The following UNC79 variants were observed in gnomAD, a reference collection of about 807,000 sequenced individuals.
UNC79 encodes unc-79 subunit of NALCN channel complex, also known as protein unc-79 homolog.
UNC79 carries 37 observed loss-of-function variants against 283.1 expected under a neutral mutation model. The ratio of observed to expected loss-of-function variants is 0.13; its 90% CI spans 0.10 to 0.17. The LOEUF is 0.17. UNC79 is among the 10% of genes least tolerant of loss of function. The pLI, the probability that UNC79 is intolerant of heterozygous loss-of-function variation, is 1.00. For synonymous variants in UNC79, 1,107 were observed against 1,200.2 expected (o/e 0.92, Z 1.61); for missense variants, 2,272 against 3,211.1 (o/e 0.71, Z 7.07).
chr14:93,669,778 G>A (rs1425131776), intron 40 of UNC79, among the ~76,000 whole-genome samples: 2 of 152,122 alleles, frequency 1.3e-5, no homozygotes, highest in East Asian at 1.9e-4. Flanking sequence ...GAGCCCAGGC[G>A]GTCAAGGCTG....
intron 40 of UNC79, among the ~76,000 whole-genome samples, chr14:93,668,869 A>C (rs913989096): frequency 6.8e-6 from 1 of 147,248 alleles, no homozygotes. Context: ...AAAAAAAATT[A>C]TCCTCTAGTC....
At position 93,594,167 on chromosome 14, in the gene UNC79, C is replaced by T. The variant is rs1398802411; in HGVS notation, c.3190+330C>T. ...AGTCAACCTATGAGTTTACTTGCAT[C>T]GGTTACTGGGAATGTTTGTTAAAAT... On this transcript the variant is annotated intron_variant, in intron 23 of 48. Coordinates refer to ENST00000555664, the Ensembl canonical transcript of UNC79. Among the ~76,000 whole-genome samples, 6 of 152,244 alleles carry T rather than the reference C, an allele frequency of 3.9e-5. No individual in the cohort carries two copies. The South Asian group carries it at 6.2e-4, about 16-fold the overall frequency.
At chr14:93,555,602 C>A (rs534074375) in intron 14 of UNC79, among the ~76,000 whole-genome samples, 1 of 152,118 alleles carries the variant, frequency 6.6e-6, no homozygotes, top group Non-Finnish European at 1.5e-5. Flanking sequence ...TGGGGTTTCA[C>A]CATGTTGACC....
At chr14:93,417,090 T>G (rs2055478405) in intron 1 of UNC79, among the ~76,000 whole-genome samples, 1 of 152,216 alleles carries the variant, frequency 6.6e-6, no homozygotes, top group Non-Finnish European at 1.5e-5. Flanking sequence ...ATTTTGCTCG[T>G]TAGTTGATCC....
chr14:93,491,727 G>T (rs1314201815), intron 5 of UNC79, among the ~76,000 whole-genome samples: 1 of 152,146 alleles, frequency 6.6e-6, no homozygotes, highest in Non-Finnish European at 1.5e-5. Context: ...CCTACAATTT[G>T]CCATTTTCTT....
chr14:93,600,580 T>G, exon 25 of UNC79: 1 of 1,612,562 alleles, frequency 6.2e-7, no homozygotes, highest in Non-Finnish European at 8.5e-7. Flanking sequence ...GTCTATGTCT[T>G]TGTCTTGACT....
At chr14:93,362,564 G>A (rs998274987) in intron 1 of UNC79, among the ~76,000 whole-genome samples, 11 of 152,102 alleles carry the variant, frequency 7.2e-5, no homozygotes, top group African/African-American at 2.7e-4. Flanking sequence ...GGCCAGGCTA[G>A]TCTCCAACTC....
chr14:93,680,526 A>G (rs2073761278), intron 41 of UNC79, among the ~76,000 whole-genome samples: 1 of 152,214 alleles, frequency 6.6e-6, no homozygotes, highest in Admixed American at 6.5e-5. Context: ...TGTTGTCCTC[A>G]CAGAGGTTTT....
chr14:93,674,792 T>C (rs1266124932), intron 41 of UNC79, among the ~76,000 whole-genome samples: 1 of 152,200 alleles, frequency 6.6e-6, no homozygotes, highest in Non-Finnish European at 1.5e-5. Context: ...GCATTGGTTC[T>C]GTATTGCATG....
chr14:93,333,487 C>A, exon 1 of UNC79: 1 of 398,578 alleles, frequency 2.5e-6, no homozygotes, highest in South Asian at 1.3e-4. Flanking sequence ...TCCTGGCATT[C>A]CGGTGGCTGC....
intron 22 of UNC79, among the ~76,000 whole-genome samples, chr14:93,593,268 T>C (rs1260714788): frequency 6.6e-6 from 1 of 152,156 alleles, no homozygotes; most frequent in East Asian, 1.9e-4. Flanking sequence ...GAAAAAGAGT[T>C]GTTCTTTGAC....
At chr14:93,585,585 C>T (rs530739929) in intron 20 of UNC79, among the ~76,000 whole-genome samples, 5 of 152,286 alleles carry the variant, frequency 3.3e-5, no homozygotes, top group South Asian at 2.1e-4. Flanking sequence ...ATTTGACTGC[C>T]GTTGCCTCTG....
chr14:93,687,441 G>A (rs1231424422), intron 43 of UNC79, among the ~76,000 whole-genome samples: 1 of 152,154 alleles, frequency 6.6e-6, no homozygotes, highest in Non-Finnish European at 1.5e-5. Context: ...CCTAGACAGA[G>A]GGCAGAAGAG....
intron 1 of UNC79, among the ~76,000 whole-genome samples, chr14:93,400,777 G>A (rs1196943463): frequency 6.6e-6 from 1 of 152,164 alleles, no homozygotes; most frequent in Non-Finnish European, 1.5e-5. Context: ...AACCATCATG[G>A]AAGGGATTTC....
upstream of UNC79, among the ~76,000 whole-genome samples, chr14:93,427,985 G>A (rs886809776): frequency 1.3e-5 from 2 of 152,082 alleles, no homozygotes; most frequent in African/African-American, 2.4e-5. Flanking sequence ...GTTTGGAGAA[G>A]ACTTTGAAGA....
intron 14 of UNC79, among the ~76,000 whole-genome samples, chr14:93,571,499 G>A (rs542788691): frequency 9.2e-5 from 14 of 152,252 alleles, no homozygotes; most frequent in South Asian, 6.2e-4. Context: ...GTAGAAAACC[G>A]TGTTCCTCTG....
At chr14:93,560,099 G>A (rs950501630) in intron 14 of UNC79, among the ~76,000 whole-genome samples, 3 of 152,094 alleles carry the variant, frequency 2.0e-5, no homozygotes, top group Admixed American at 2.0e-4. Context: ...CCTGGATACG[G>A]TTTTGGATTA....
chr14:93,342,514 C>T (rs1211261343), intron 1 of UNC79, among the ~76,000 whole-genome samples: 1 of 152,226 alleles, frequency 6.6e-6, no homozygotes, highest in African/African-American at 2.4e-5. Context: ...ACCCTGGAGA[C>T]ATTTTCCTCA....
intron 1 of UNC79, among the ~76,000 whole-genome samples, chr14:93,395,915 A>G (rs1481244186): frequency 6.6e-6 from 1 of 152,078 alleles, no homozygotes; most frequent in Non-Finnish European, 1.5e-5. Flanking sequence ...GGATGTGAAG[A>G]TTAATGTTTT....
Sources: allele counts gnomAD v4.1 joint callset (sites outside exome capture counted in the v4.1 genomes callset), GRCh38; gene constraint gnomAD v4.1.1; transcripts MANE v1.5; gene names NCBI Gene and HGNC (gene_info 2026-07-23, HGNC 2026-07-21).